NFATC2: variants seen among roughly 807,000 people sequenced by gnomAD.
The protein encoded by NFATC2 is nuclear factor of activated T cells 2.
NFATC2 carries 22 observed loss-of-function variants against 87.3 expected under a neutral mutation model. The ratio of observed to expected loss-of-function variants is 0.25; its 90% CI spans 0.18 to 0.36. The LOEUF (loss-of-function observed/expected upper bound fraction) is 0.36. Among genes scored for constraint, NFATC2 ranks in the 10% least tolerant of loss-of-function variants. The probability of loss-of-function intolerance (pLI) is 1.00; values close to 1 mark genes in which losing one functional copy is unlikely to be tolerated. For missense variants in NFATC2, 1,149 were observed against 1,259.1 expected (o/e 0.91, Z 1.32); for synonymous variants, 565 against 542.2 (o/e 1.04, Z -0.58).
intron 9 of NFATC2, among the ~76,000 whole-genome samples, chr20:51,414,124 G>A (rs1429202368): frequency 6.6e-6 from 1 of 152,208 alleles, no homozygotes; most frequent in Admixed American, 6.5e-5. Flanking sequence ...GCTGAGCCAG[G>A]TCTTTGAGCA....
At chr20:51,510,048 C>T (rs190288175) in intron 3 of NFATC2, among the ~76,000 whole-genome samples, 103 of 152,290 alleles carry the variant, frequency 6.8e-4, no homozygotes, top group African/African-American at 2.4e-3. Flanking sequence ...TTGAAAGAAC[C>T]AAGAGGACTC....
At chr20:51,425,262 G>T (rs1568957229) in intron 9 of NFATC2, among the ~76,000 whole-genome samples, 1 of 152,172 alleles carries the variant, frequency 6.6e-6, no homozygotes, top group South Asian at 2.1e-4. Context: ...TTTAAATGAA[G>T]GCAAAAAAAG....
intron 3 of NFATC2, among the ~76,000 whole-genome samples, chr20:51,497,451 T>C (rs2076007384): frequency 6.6e-6 from 1 of 152,170 alleles, no homozygotes; most frequent in Non-Finnish European, 1.5e-5. Flanking sequence ...TATGATCCCA[T>C]TTTTGCACAA....
intron 9 of NFATC2, among the ~76,000 whole-genome samples, chr20:51,403,364 T>C (rs1988244910): frequency 6.6e-6 from 1 of 152,222 alleles, no homozygotes; most frequent in South Asian, 2.1e-4. Flanking sequence ...AAAGGCCACC[T>C]GGAGTGACCA....
Position 51,435,722 on chromosome 20 carries a change from T to C in NFATC2, c.1889A>G (p.Lys630Arg), listed in dbSNP as rs1036824890. 1.9e-6 allele frequency: 3 copies of C among 1,609,652 alleles called. No individual in the cohort carries two copies. The change falls in exon 7 of 11, where the codon AAG (lysine) becomes AGG (arginine). Residue 630 changes from lysine to arginine, a missense_variant. By Grantham distance (26) the Lys-to-Arg change is conservative (BLOSUM62 2). Transcript: ENST00000371564. Reference protein sequence around the residue: ...QIWEMEATVDKDKSQPNMLFV... With the variant: ...QIWEMEATVDRDKSQPNMLFV... The stretch of plus-strand genomic sequence containing the variant: ...CGTGCTTACGGGCTGGCTCTTGTCC[T>C]TATCCACCGTGGCTTCCATCTCCCA...
intron 9 of NFATC2, among the ~76,000 whole-genome samples, chr20:51,430,807 A>T (rs1982594595): frequency 6.6e-6 from 1 of 152,220 alleles, no homozygotes; most frequent in Non-Finnish European, 1.5e-5. Context: ...GATGGTAACT[A>T]TTGTGGCTGT....
At chr20:51,415,065 A>G (rs1979847228) in intron 9 of NFATC2, among the ~76,000 whole-genome samples, 1 of 151,844 alleles carries the variant, frequency 6.6e-6, no homozygotes. Context: ...AGCCTGGGCA[A>G]CATAGTGAGA....
intron 1 of NFATC2, among the ~76,000 whole-genome samples, chr20:51,539,658 T>G (rs1026398239): frequency 6.6e-6 from 1 of 152,124 alleles, no homozygotes; most frequent in East Asian, 1.9e-4. Flanking sequence ...GCTAGGCTAA[T>G]TGTTTTATTT....
intron 1 of NFATC2, among the ~76,000 whole-genome samples, chr20:51,538,386 C>T (rs932301620): frequency 2.0e-5 from 3 of 151,910 alleles, no homozygotes; most frequent in South Asian, 2.1e-4. Flanking sequence ...TAAAAACTCT[C>T]GGGGGAAAAA....
chr20:51,543,016 C>G (rs1354140194), upstream of NFATC2, among the ~76,000 whole-genome samples: 1 of 152,168 alleles, frequency 6.6e-6, no homozygotes, highest in Non-Finnish European at 1.5e-5. Flanking sequence ...GACTTTTGCC[C>G]TAAGGGACCC....
At chr20:51,475,358 C>A in intron 4 of NFATC2, 100 bp downstream of exon 4, 1 of 1,103,528 alleles carries the variant, frequency 9.1e-7, no homozygotes, top group Non-Finnish European at 1.4e-6. Flanking sequence ...TCAACAGCTG[C>A]TTCCATCAGT....
rs947662159 is a variant in NFATC2 at position 51,390,668 on chromosome 20, G to A, written c.*828C>T. The A allele has an allele frequency of 5.9e-5, 9 of 153,810 alleles. No homozygotes were observed. Among genetic ancestry groups the A allele is most frequent in the African/African-American group, 2.2e-4 (9 of 41,460 alleles). 9.5% of individuals were successfully genotyped at this position (153,810 alleles called of 1,614,324 possible). A position where few individuals can be genotyped will look rare whatever the true frequency, so the allele number is the denominator to read the frequency against. On this transcript the variant is annotated 3_prime_UTR_variant, in exon 11 of 11. Transcript: ENST00000371564. ...GCTCGCCAAGACAGCTCCAGGGCTA[G>A]GTGCCCTGGTCAGCCTTTTAAAGCA...
intron 5 of NFATC2, among the ~76,000 whole-genome samples, chr20:51,458,522 G>A (rs1025495057): frequency 2.0e-4 from 31 of 152,128 alleles, no homozygotes; most frequent in Admixed American, 1.8e-3. Flanking sequence ...CTTCAAGCCA[G>A]GTGCGGTGGC....
At chr20:51,496,368 A>G (rs60424452) in intron 3 of NFATC2, among the ~76,000 whole-genome samples, 2,229 of 152,042 alleles carry the variant, frequency 0.015, 59 homozygotes, top group African/African-American at 0.051. Context: ...TCAGAAACAG[A>G]GTTCCCTCAC....
intron 5 of NFATC2, among the ~76,000 whole-genome samples, chr20:51,466,427 G>T (rs2092572): frequency 0.14 from 20,525 of 151,990 alleles, 1,619 homozygotes; most frequent in African/African-American, 0.22. Context: ...CTAGACCCAG[G>T]AGAGTAAAGT....
intron 9 of NFATC2, among the ~76,000 whole-genome samples, chr20:51,414,519 T>A (rs577660310): frequency 6.6e-6 from 1 of 151,860 alleles, no homozygotes; most frequent in African/African-American, 2.4e-5. Flanking sequence ...CAAAACTCCA[T>A]CTCTACTAAA....
intron 5 of NFATC2, among the ~76,000 whole-genome samples, chr20:51,472,559 A>C (rs751631046): frequency 6.6e-6 from 1 of 152,140 alleles, no homozygotes; most frequent in Non-Finnish European, 1.5e-5. Flanking sequence ...TGTTCTTAGA[A>C]GAAAGAGACT....
chr20:51,562,434 G>C lies in NFATC2; in HGVS notation c.70+126C>G. The C allele has an allele frequency of 2.4e-6, 2 of 823,982 alleles. No homozygotes were observed. The highest frequency in any genetic ancestry group is 3.8e-6 in the Non-Finnish European group (2 of 530,482). The allele number at this position is 823,982 out of a possible 1,614,324, so 51.0% of individuals were successfully genotyped here. On this transcript the variant is annotated intron_variant, in intron 1 of 10. Transcript: ENST00000414705. This position sits in a 1 kb window ranked among gnomAD's most constrained non-coding sequence, Gnocchi z 5.8. Reference sequence around the variant, plus strand: ...CCCGCTACCTGTGCGCCGAGGGCGAGCGGGGTCCCCAGGCCTCCCGCACCG... The same window carrying C: ...CCCGCTACCTGTGCGCCGAGGGCGACCGGGGTCCCCAGGCCTCCCGCACCG...
intron 3 of NFATC2, among the ~76,000 whole-genome samples, chr20:51,501,973 C>T (rs2076096548): frequency 6.6e-6 from 1 of 152,162 alleles, no homozygotes; most frequent in African/African-American, 2.4e-5. Context: ...TCAATAAAAC[C>T]TTATTTCAAA....
Sources: gnomAD v4.1 joint callset for allele counts (sites outside exome capture counted in the v4.1 genomes callset) on GRCh38, gnomAD v4.1.1 for gene constraint, Gnocchi (gnomAD v3.1) non-coding constraint, MANE v1.5 for transcripts, NCBI Gene and HGNC (gene_info 2026-07-23, HGNC 2026-07-21) for gene names.